GGTLC1: variants seen among roughly 807,000 people sequenced by gnomAD.
GGTLC1 encodes gamma-glutamyltransferase light chain 1, also known as glutathione hydrolase light chain 1.
A neutral mutation model predicts 19.5 loss-of-function variants in GGTLC1; 14 were observed. The observed-to-expected ratio is 0.72, with a 90% CI of 0.47 to 1.12. The LOEUF is 1.12. GGTLC1 is among the 50% of genes most tolerant of loss of function. The probability of loss-of-function intolerance (pLI) is 0.00; values close to 1 mark genes in which losing one functional copy is unlikely to be tolerated. For synonymous variants in GGTLC1, 110 were observed against 124.2 expected (o/e 0.89, Z 0.76); for missense variants, 304 against 309.2 (o/e 0.98, Z 0.13).
intron 1 of GGTLC1, among the ~76,000 whole-genome samples, chr20:23,987,364 CA>C (rs1387268678): frequency 6.6e-6 from 1 of 152,018 alleles, no homozygotes; most frequent in African/African-American, 2.4e-5. Flanking sequence ...GGATAAAGTC[CA>C]AAGGGGAGGC....
In GGTLC1 at chr20:23,985,773, A is replaced by G; in HGVS notation, c.425T>C (p.Ile142Thr). 1 of 1,612,008 alleles carries G rather than the reference A, an allele frequency of 6.2e-7. No homozygotes were observed. Among genetic ancestry groups the G allele is most frequent in the South Asian group, 1.1e-5 (1 of 90,988 alleles). ...GTCATAGCCGAACCAGAGGTTGTAG[A>G]TGATGGCCTGGGGCATGGGAGTGTG... Reference protein sequence around the residue: ...QITMATALAIIYNLWFGYDVK... With the variant: ...QITMATALAITYNLWFGYDVK... Residue 142 changes from isoleucine to threonine, a missense_variant, in exon 5 of 6, where the codon ATC becomes ACC. By Grantham distance (89) the Ile-to-Thr change is moderately conservative. Transcript: ENST00000335694.
chr20:23,986,343 A>G (rs1987910786), intron 2 of GGTLC1, 93 bp downstream of exon 2: 2 of 1,599,600 alleles, frequency 1.3e-6, no homozygotes, highest in South Asian at 2.2e-5. Flanking sequence ...CACCAGGAAA[A>G]GAGGTGATGG....
Position 23,985,678 on chromosome 20 carries a change from T to TTC in GGTLC1, c.518_519dup (p.Asn174GlufsTer7). The TTC allele has an allele frequency of 6.2e-7, 1 of 1,611,992 alleles. No homozygotes were observed. The highest frequency in any genetic ancestry group is 8.5e-7 in the Non-Finnish European group (1 of 1,179,862). On this transcript the variant is annotated frameshift_variant, in exon 5 of 6. Coordinates refer to ENST00000335694, the MANE Select transcript of GGTLC1 (RefSeq NM_178311.3). LOFTEE classifies it low-confidence loss of function (END_TRUNC). ...AACCCCCAGCCCACCTGGTCAATGT[T>TTC]TCTCTCCACTGTCGTGACGTTGGGC...
chr20:23,985,539 G>A (rs1987826296), intron 5 of GGTLC1, 128 bp downstream of exon 5: 1 of 1,583,370 alleles, frequency 6.3e-7, no homozygotes, highest in Admixed American at 1.7e-5. Context: ...ATGGCACAGG[G>A]GCTCCAGATG....
chr20:23,986,338 G>A (rs1987910516), intron 2 of GGTLC1, 98 bp downstream of exon 2: 4 of 1,600,480 alleles, frequency 2.5e-6, no homozygotes, highest in Non-Finnish European at 3.4e-6. Flanking sequence ...TTTCCCACCA[G>A]GAAAAGAGGT....
chr20:23,987,718 C>A (rs972751544), intron 1 of GGTLC1, among the ~76,000 whole-genome samples: 4 of 151,428 alleles, frequency 2.6e-5, no homozygotes, highest in Non-Finnish European at 5.9e-5. Flanking sequence ...ACCCGAAGGC[C>A]GAAGAAAATG....
In GGTLC1 at chr20:23,985,071, A is replaced by G. The variant is rs1987789468; in HGVS notation, c.*145T>C. The G allele has an allele frequency of 3.3e-6, 4 of 1,212,558 alleles. No individual in the cohort carries two copies. The highest frequency in any genetic ancestry group is 2.1e-5 in the Admixed American group (1 of 48,758). The allele number at this position is 1,212,558 out of a possible 1,614,324, so 75.1% of individuals were successfully genotyped here. A position where few individuals can be genotyped will look rare whatever the true frequency, so the allele number is the denominator to read the frequency against. ...CAGAGAGTGGGGAGACAGGCCAGGG[A>G]GGCCACCTGGAGCCTGGCACAGTGG... On this transcript the variant is annotated 3_prime_UTR_variant, in exon 6 of 6. Coordinates refer to ENST00000335694, the MANE Select transcript of GGTLC1 (RefSeq NM_178311.3).
In GGTLC1 at chr20:23,985,533, C is replaced by T. The variant is rs1987826113; in HGVS notation, c.531+134G>A. On this transcript the variant is annotated intron_variant, in intron 5 of 5. Coordinates refer to ENST00000335694, the MANE Select transcript of GGTLC1 (RefSeq NM_178311.3). ...GGAGCAAGGGGTTTGGCCCTCATGG[C>T]ACAGGGGCTCCAGATGGCCCAGGCA... 7 of 1,586,504 alleles carry T rather than the reference C, an allele frequency of 4.4e-6. No individual in the cohort carries two copies. The South Asian group carries it at 6.7e-5, about 15-fold the overall frequency.
chr20:23,986,524 A>G lies in GGTLC1; in HGVS notation c.88T>C (p.Tyr30His), dbSNP rs1337815257. Reference sequence around the variant, plus strand: ...GCAGTGCCCCCGTCATCCGGCATGTAGAACTCGGGCTTGTAGTAGGAGATC... The same window carrying G: ...GCAGTGCCCCCGTCATCCGGCATGTGGAACTCGGGCTTGTAGTAGGAGATC... Reference protein sequence around the residue: ...HPISYYKPEFYMPDDGGTAHL... With the variant: ...HPISYYKPEFHMPDDGGTAHL... The change falls in exon 2 of 6, where the codon TAC (tyrosine) becomes CAC (histidine). Residue 30 changes from tyrosine to histidine, a missense_variant. Physicochemically the swap from Tyr to His is moderately conservative, Grantham distance 83 (BLOSUM62 2). Transcript: ENST00000335694. 4.3e-6 allele frequency: 7 copies of G among 1,611,946 alleles called. No homozygotes were observed. Among genetic ancestry groups the G allele is most frequent in the Non-Finnish European group, 5.9e-6 (7 of 1,179,822 alleles).
In GGTLC1 at chr20:23,985,787, C is replaced by T; in HGVS notation, c.418-7G>A. 4 of 1,612,012 alleles carry T rather than the reference C, an allele frequency of 2.5e-6. No homozygotes were observed. The highest frequency in any genetic ancestry group is 2.2e-5 in the South Asian group (2 of 90,988). On this transcript the variant is annotated splice_region_variant and splice_polypyrimidine_tract_variant and intron_variant, in intron 4 of 5. Coordinates refer to ENST00000335694, the MANE Select transcript of GGTLC1 (RefSeq NM_178311.3). ...AGAGGTTGTAGATGATGGCCTGGGG[C>T]ATGGGAGTGTGATCAGCATGGCTTG...
At chr20:23,986,736 A>G (rs1410916376) in intron 1 of GGTLC1, 91 bp from the exon 2 acceptor site, 6 of 1,489,868 alleles carry the variant, frequency 4.0e-6, no homozygotes, top group Non-Finnish European at 5.4e-6. Flanking sequence ...GGCACCCACA[A>G]CCTTCCGTGG....
chr20:23,987,948 A>T lies in GGTLC1; in HGVS notation c.-35+661T>A, dbSNP rs1988033968. 6.2e-5 allele frequency among the ~76,000 whole-genome samples: 8 copies of T among 129,818 alleles called. No homozygotes were observed. In the Admixed American group the frequency reaches 6.6e-4, roughly 11 times the overall value. 85.2% of individuals were successfully genotyped at this position (129,818 alleles called of 152,430 possible). On this transcript the variant is annotated intron_variant, in intron 1 of 5. Coordinates refer to ENST00000335694, the MANE Select transcript of GGTLC1 (RefSeq NM_178311.3). ...CCTGTAGTCCCAACTCCAGAGGCTG[A>T]GGCAGGAGAATGGCGTGAACCCGGT...
chr20:23,985,852 T>G lies in GGTLC1; in HGVS notation c.417+10A>C. On this transcript the variant is annotated intron_variant, in intron 4 of 5. Transcript: ENST00000335694. ...TGGGCACGGCCAGGGAGAAAAGGTGTGACACATACCAGTGCAGTGGCCATG... is the reference window on the plus strand; with the variant it reads ...TGGGCACGGCCAGGGAGAAAAGGTGGGACACATACCAGTGCAGTGGCCATG... The G allele has an allele frequency of 6.2e-7, 1 of 1,611,990 alleles. No homozygotes were observed. The highest frequency in any genetic ancestry group is 8.5e-7 in the Non-Finnish European group (1 of 1,179,836).
chr20:23,988,314 A>G (rs1450054312), intron 1 of GGTLC1, among the ~76,000 whole-genome samples: 7 of 151,536 alleles, frequency 4.6e-5, no homozygotes, highest in Non-Finnish European at 1.0e-4. Context: ...CCAAAGTGCT[A>G]GGATTATAGG....
rs755188208 is a variant in GGTLC1, at chr20:23,985,735, C to T, written c.463G>A (p.Val155Met). Residue 155 changes from valine (V) to methionine (M), a missense_variant, in exon 5 of 6, where the codon GTG (valine) becomes ATG (methionine). By Grantham distance (21) the Val-to-Met change is conservative. Coordinates refer to ENST00000335694, the MANE Select transcript of GGTLC1 (RefSeq NM_178311.3). ...TGGTTGTGCAGCCGGGGCTCCTCCA[C>T]GGCCCACTTCACGTCATAGCCGAAC... ...LWFGYDVKWAVEEPRLHNQLL... is the reference protein window; with the variant it reads ...LWFGYDVKWAMEEPRLHNQLL... 1.5e-5 allele frequency: 24 copies of T among 1,611,930 alleles called. No homozygotes were observed. Among genetic ancestry groups the T allele is most frequent in the South Asian group, 7.7e-5 (7 of 90,992 alleles).
chr20:23,986,974 C>T (rs988625823), intron 1 of GGTLC1: 6 of 519,446 alleles, frequency 1.2e-5, no homozygotes, highest in Non-Finnish European at 1.9e-5. Context: ...TGCCCTCATG[C>T]CAAGAAAAAC....
chr20:23,985,637 G>A lies in GGTLC1; in HGVS notation c.531+30C>T, dbSNP rs373222963. The A allele has an allele frequency of 1.8e-5, 29 of 1,611,332 alleles. 1 individual carries two copies. Among genetic ancestry groups the A allele is most frequent in the Middle Eastern group, 2.2e-4 (1 of 4,452 alleles). ...CCACGATGCCCTGGGGCCCCACACC[G>A]TGACTCAGTTTCTCCAACCCCCAGC... On this transcript the variant is annotated intron_variant, in intron 5 of 5. Transcript: ENST00000335694.
At chr20:23,985,583 T>C in intron 5 of GGTLC1, 84 bp downstream of exon 5, 1 of 1,607,178 alleles carries the variant, frequency 6.2e-7, no homozygotes, top group South Asian at 1.1e-5. Context: ...CCAACCATTG[T>C]CCACTCTGTG....
Position 23,985,253 on chromosome 20 carries a change from G to C in GGTLC1, c.641C>G (p.Ser214Trp), listed in dbSNP as rs764156220. Residue 214 changes from serine to tryptophan, a missense_variant, in exon 6 of 6, where the codon TCG becomes TGG. Physicochemically the swap from Ser to Trp is radical, Grantham distance 177. Coordinates refer to ENST00000335694, the MANE Select transcript of GGTLC1 (RefSeq NM_178311.3). ...VRMAGGWAAA[S>W]DSRKGGEPAG... ...AGGTTCCCCACCTTTCCTGGAGTCCGAGGCAGCTGCCCAGCCACCAGCCAT... is the reference window on the plus strand; with the variant it reads ...AGGTTCCCCACCTTTCCTGGAGTCCCAGGCAGCTGCCCAGCCACCAGCCAT... 3.1e-6 allele frequency: 5 copies of C among 1,611,902 alleles called. No homozygotes were observed. Among genetic ancestry groups the C allele is most frequent in the South Asian group, 2.2e-5 (2 of 91,000 alleles).
Sources: allele counts gnomAD v4.1 joint callset (sites outside exome capture counted in the v4.1 genomes callset), GRCh38; gene constraint gnomAD v4.1.1; transcripts MANE v1.5; gene names NCBI Gene and HGNC (gene_info 2026-07-23, HGNC 2026-07-21).